Variants in DMD observed in about 807,000 individuals in gnomAD.
The protein encoded by DMD is mutant dystrophin.
DMD carries 63 observed loss-of-function variants against 330.1 expected under a neutral mutation model. The observed-to-expected ratio is 0.19, with a 90% confidence interval of 0.16 to 0.24. DMD has a LOEUF of 0.24. Among genes scored for constraint, DMD ranks in the 10% least tolerant of loss-of-function variants. DMD has a pLI of 1.00. For missense variants in DMD, 3,344 were observed against 2,684.1 expected, an observed-to-expected ratio of 1.25 and a Z score of -5.43; for synonymous variants, 1,223 against 959.8, an observed-to-expected ratio of 1.27 and a Z score of -5.07.
intron 78 of DMD, 66 bp downstream of exon 78, chrX:31,126,576 A>G: frequency 6.9e-6 from 7 of 1,015,866 alleles, no homozygotes; most frequent in Non-Finnish European, 9.8e-6. Flanking sequence ...TCTTACACAA[A>G]CGCCAAACAT....
At chrX:32,135,165 A>G (rs747531665) in intron 44 of DMD, among the ~76,000 whole-genome samples, 34 of 112,382 alleles carry the variant, frequency 3.0e-4, no homozygotes, top group African/African-American at 1.1e-3. Context: ...ATCCTAGATT[A>G]TTTGAGCTAT....
intron 18 of DMD, among the ~76,000 whole-genome samples, chrX:32,506,068 A>C: frequency 8.9e-6 from 1 of 112,137 alleles, no homozygotes; most frequent in East Asian, 2.8e-4. Flanking sequence ...ATGGCAGTGA[A>C]ATTACACCGC....
At chrX:33,244,431 A>G (rs1317482424) in intron 1 of DMD, among the ~76,000 whole-genome samples, 1 of 112,070 alleles carries the variant, frequency 8.9e-6, no homozygotes, top group Non-Finnish European at 1.9e-5. Context: ...GCTCAGAACT[A>G]TATAAGGATG....
At chrX:32,650,525 C>G (rs943591531) in intron 9 of DMD, among the ~76,000 whole-genome samples, 1 of 111,393 alleles carries the variant, frequency 9.0e-6, no homozygotes, top group Non-Finnish European at 1.9e-5. Flanking sequence ...TCTGAACAAC[C>G]AGGATTAGTA....
At chrX:32,060,103 C>A (rs1044841851) in intron 44 of DMD, among the ~76,000 whole-genome samples, 6 of 103,674 alleles carry the variant, frequency 5.8e-5, no homozygotes, top group African/African-American at 2.2e-4. Context: ...ATTACTTGCA[C>A]AGTGACAGAA....
rs1603618549 is a variant in DMD at position 31,970,120 on chromosome X, T to C, written c.6439-1606A>G. ...GTCAGATATTGTGTCTTATTCATGA[T>C]AGTTTCCTATTGTTTAGTACAATGT... On this transcript the variant is annotated intron_variant, in intron 44 of 78. Transcript: ENST00000357033. Among the ~76,000 whole-genome samples the C allele has an allele frequency of 2.7e-5, 3 of 112,095 alleles. No individual in the cohort carries two copies. In the Middle Eastern group the frequency reaches 0.014, roughly 514 times the overall value.
chrX:32,587,200 CAACTACCTTTCACA>C, intron 13 of DMD, among the ~76,000 whole-genome samples: 1 of 111,830 alleles, frequency 8.9e-6, no homozygotes, highest in Non-Finnish European at 1.9e-5. Flanking sequence ...TCTTTCTGAA[CAACTACCTTTCACA>C]GTATAGCATT....
intron 2 of DMD, among the ~76,000 whole-genome samples, chrX:32,867,420 G>A (rs990436939): frequency 8.9e-6 from 1 of 112,152 alleles, no homozygotes; most frequent in Non-Finnish European, 1.9e-5. Flanking sequence ...GGAAAGTAGA[G>A]TTGACAATTT....
At chrX:32,991,677 C>A (rs904319304) in intron 2 of DMD, among the ~76,000 whole-genome samples, 1 of 111,443 alleles carries the variant, frequency 9.0e-6, no homozygotes, top group Non-Finnish European at 1.9e-5. Context: ...AGGTTGTATG[C>A]GCAGAAGCAT....
chrX:32,593,022 A>T (rs1161705742), intron 13 of DMD, among the ~76,000 whole-genome samples: 2 of 112,678 alleles, frequency 1.8e-5, no homozygotes. Context: ...GCTTGCTCAC[A>T]TACCTCTTAC....
At chrX:32,571,414 T>C (rs1485166933) in intron 15 of DMD, among the ~76,000 whole-genome samples, 3 of 111,724 alleles carry the variant, frequency 2.7e-5, no homozygotes, top group African/African-American at 9.8e-5. Flanking sequence ...AAATCTTTAT[T>C]CTCCTCACTT....
intron 9 of DMD, among the ~76,000 whole-genome samples, chrX:32,667,776 T>G (rs1332792487): frequency 9.2e-6 from 1 of 108,128 alleles, no homozygotes; most frequent in African/African-American, 3.4e-5. Context: ...TGTTTTTTTT[T>G]TTTTTTTTTC....
In DMD at chrX:32,575,042, C is replaced by T. The variant is rs763706050; in HGVS notation, c.1603-1196G>A. On this transcript the variant is annotated intron_variant, in intron 13 of 78. Transcript: ENST00000357033. ...CCTCCCCAGTAGCTGAGATTACAGG[C>T]ATCCACCACCATGTCTGGCTAATTT... Among the ~76,000 whole-genome samples, 13 of 110,575 alleles carry T rather than the reference C, an allele frequency of 1.2e-4. No homozygotes were observed. The Admixed American group carries it at 1.3e-3, about 11-fold the overall frequency.
Position 32,644,005 on chromosome X carries a change from C to T in DMD, c.1331+127G>A, listed in dbSNP as rs5928065. On this transcript the variant is annotated intron_variant, in intron 11 of 78. Coordinates refer to ENST00000357033, the MANE Select transcript of DMD (RefSeq NM_004006.3). Reference sequence around the variant, plus strand: ...TTCTATGAAAATCCAACCAGTCTCCCTTGAAAGAAAGCTGTGTGCCTTGGG... The same window carrying T: ...TTCTATGAAAATCCAACCAGTCTCCTTTGAAAGAAAGCTGTGTGCCTTGGG... 0.28 allele frequency: 167,783 copies of T among 593,801 alleles called. 17,598 individuals carry two copies. The highest frequency in any genetic ancestry group is 0.39 in the South Asian group (12,392 of 31,554). 48.9% of individuals were successfully genotyped at this position (593,801 alleles called of 1,213,427 possible). A position where few individuals can be genotyped will look rare whatever the true frequency, so the allele number is the denominator to read the frequency against.
chrX:32,249,705 A>T (rs1265066209), intron 43 of DMD, among the ~76,000 whole-genome samples: 1 of 111,729 alleles, frequency 9.0e-6, no homozygotes, highest in Non-Finnish European at 1.9e-5. Context: ...AAAGCTACAA[A>T]TCTGGCTTTC....
chrX:31,359,296 T>C (rs2058818761), intron 60 of DMD, among the ~76,000 whole-genome samples: 1 of 112,418 alleles, frequency 8.9e-6, no homozygotes, highest in Admixed American at 9.4e-5. Context: ...CTCGTCTAAA[T>C]AATTTCTGAT....
chrX:33,063,435 G>A (rs1335840165), intron 1 of DMD, among the ~76,000 whole-genome samples: 1 of 111,909 alleles, frequency 8.9e-6, no homozygotes, highest in African/African-American at 3.2e-5. Flanking sequence ...AAAATGTTAA[G>A]TACTGAGGGT....
At chrX:32,826,930 A>C (rs1369218852) in intron 4 of DMD, among the ~76,000 whole-genome samples, 2 of 110,938 alleles carry the variant, frequency 1.8e-5, no homozygotes, top group Non-Finnish European at 3.8e-5. Context: ...TATTTTAAAA[A>C]ATCATATGCT....
intron 59 of DMD, among the ~76,000 whole-genome samples, chrX:31,474,478 G>A (rs1441314309): frequency 9.2e-6 from 1 of 108,399 alleles, no homozygotes; most frequent in Non-Finnish European, 1.9e-5. Context: ...AAGGTGAGTG[G>A]ATCACCTGAG....
Sources: gnomAD v4.1 joint callset for allele counts (sites outside exome capture counted in the v4.1 genomes callset) on GRCh38, gnomAD v4.1.1 for gene constraint, MANE v1.5 for transcripts, NCBI Gene and HGNC (gene_info 2026-07-23, HGNC 2026-07-21) for gene names.